Variants in RAD18 observed in about 807,000 individuals in gnomAD.
The protein encoded by RAD18 is E3 ubiquitin-protein ligase RAD18.
Under a neutral mutation model 60.4 loss-of-function variants are expected in RAD18, and 47 were observed. That is an observed-to-expected ratio of 0.78 (90% confidence interval 0.62 to 0.99). The LOEUF (loss-of-function observed/expected upper bound fraction) is 0.99. Among genes scored for constraint, RAD18 ranks in the 50% least tolerant of loss-of-function variants. The probability of loss-of-function intolerance (pLI) is 0.00; values close to 1 mark genes in which losing one functional copy is unlikely to be tolerated. For missense variants in RAD18, 640 were observed against 593.3 expected (o/e 1.08, Z -0.82); for synonymous variants, 225 against 195.5 (o/e 1.15, Z -1.26).
chr3:8,923,908 A>C (rs1940377147), intron 7 of RAD18, among the ~76,000 whole-genome samples: 1 of 152,214 alleles, frequency 6.6e-6, no homozygotes, highest in Non-Finnish European at 1.5e-5. Context: ...AGAGCTCCTG[A>C]AGGAAGCACT....
chr3:8,956,931 A>G (rs894193337), intron 2 of RAD18, among the ~76,000 whole-genome samples: 2 of 152,192 alleles, frequency 1.3e-5, no homozygotes, highest in Non-Finnish European at 2.9e-5. Context: ...CACCACTTTC[A>G]ACACTGTAGT....
intron 2 of RAD18, among the ~76,000 whole-genome samples, chr3:8,952,927 C>G (rs1171202138): frequency 5.9e-5 from 9 of 152,112 alleles, no homozygotes; most frequent in Non-Finnish European, 1.0e-4. Flanking sequence ...ATAAACCCAT[C>G]ATAAATTGAA....
chr3:8,948,420 C>G (rs1940871852), intron 3 of RAD18, 89 bp downstream of exon 3: 3 of 1,123,616 alleles, frequency 2.7e-6, no homozygotes, highest in South Asian at 2.8e-5. Context: ...CTACACATCA[C>G]CCTATATATA....
intron 2 of RAD18, among the ~76,000 whole-genome samples, chr3:8,957,230 G>C (rs961661964): frequency 6.6e-6 from 1 of 152,194 alleles, no homozygotes; most frequent in Non-Finnish European, 1.5e-5. Flanking sequence ...ACTCGGCATT[G>C]TTAAGATGTC....
At chr3:8,887,801 T>C (rs1353136777) in intron 12 of RAD18, among the ~76,000 whole-genome samples, 1 of 152,200 alleles carries the variant, frequency 6.6e-6, no homozygotes, top group African/African-American at 2.4e-5. Context: ...GACATCATAA[T>C]ATATAGCCTT....
intron 12 of RAD18, among the ~76,000 whole-genome samples, chr3:8,885,474 C>T (rs1218074110): frequency 6.6e-6 from 1 of 152,138 alleles, no homozygotes; most frequent in Non-Finnish European, 1.5e-5. Flanking sequence ...CTTTTAAAGG[C>T]ACTATGAGAT....
chr3:8,950,361 T>C (rs932235606), intron 2 of RAD18, among the ~76,000 whole-genome samples: 1 of 152,038 alleles, frequency 6.6e-6, no homozygotes, highest in African/African-American at 2.4e-5. Context: ...AACAAAGCCC[T>C]CCCTCAGAAG....
chr3:8,948,176 A>G (rs1388076660), intron 3 of RAD18, among the ~76,000 whole-genome samples: 1 of 152,094 alleles, frequency 6.6e-6, no homozygotes, highest in Non-Finnish European at 1.5e-5. Context: ...ACAAATACTT[A>G]GACAGTTCTT....
At chr3:8,959,249 G>A (rs556796993) in intron 1 of RAD18, among the ~76,000 whole-genome samples, 2 of 152,338 alleles carry the variant, frequency 1.3e-5, no homozygotes, top group East Asian at 1.9e-4. Context: ...ATGGCACACC[G>A]ATTCTTGTGC....
In RAD18 at chr3:8,963,299, ACAC is replaced by A. The variant is rs745441983; in HGVS notation, c.51+33_51+35del. ...CAAAGGGAGGGACCTCCCCCCGCAG[ACAC>A]CCGGGAGCTCCCAAACTCCCCGAAG... On this transcript the variant is annotated intron_variant, in intron 1 of 12. Transcript: ENST00000264926. 6 of 1,581,228 alleles carry A rather than the reference ACAC, an allele frequency of 3.8e-6. No individual in the cohort carries two copies. In the East Asian group the frequency reaches 1.4e-4, roughly 37 times the overall value.
Position 8,945,468 on chromosome 3 carries a change from C to CTTTTTTTT in RAD18, c.266+1744_266+1751dup, listed in dbSNP as rs375744764. ...AGGCTAATGTGTGTGTTTCCATCTT[C>CTTTTTTTT]TTTTTTTTTTTTTTTTTTTTTTGAG... On this transcript the variant is annotated intron_variant, in intron 4 of 12. Coordinates refer to ENST00000264926, the MANE Select transcript of RAD18 (RefSeq NM_020165.4). Among the ~76,000 whole-genome samples the CTTTTTTTT allele has an allele frequency of 1.1e-3, 102 of 96,396 alleles. 2 individuals are homozygous for CTTTTTTTT. Among genetic ancestry groups the CTTTTTTTT allele is most frequent in the South Asian group, 2.6e-3 (6 of 2,340 alleles). 63.2% of individuals were successfully genotyped at this position (96,396 alleles called of 152,430 possible).
At chr3:8,928,045 AACTT>A (rs1377185967) in intron 7 of RAD18, among the ~76,000 whole-genome samples, 1 of 135,488 alleles carries the variant, frequency 7.4e-6, no homozygotes. Context: ...TGTACCCTAA[AACTT>A]AAAAAAAAAA....
intron 9 of RAD18, among the ~76,000 whole-genome samples, chr3:8,905,843 T>C (rs1394087955): frequency 6.6e-6 from 1 of 152,222 alleles, no homozygotes; most frequent in Non-Finnish European, 1.5e-5. Context: ...ATGTGGCCCC[T>C]CTTAGTTGGC....
At chr3:8,901,888 T>C (rs1939919325) in intron 10 of RAD18, among the ~76,000 whole-genome samples, 1 of 152,340 alleles carries the variant, frequency 6.6e-6, no homozygotes, top group Non-Finnish European at 1.5e-5. Context: ...TCTTTTTTGT[T>C]CACTGGTCCA....
At chr3:8,908,720 A>G (rs1200422934) in intron 9 of RAD18, among the ~76,000 whole-genome samples, 1 of 152,232 alleles carries the variant, frequency 6.6e-6, no homozygotes, top group Non-Finnish European at 1.5e-5. Flanking sequence ...ATTAATTAGA[A>G]ATAAGTAATT....
chr3:8,960,240 A>C (rs147650401), intron 1 of RAD18, among the ~76,000 whole-genome samples: 2,465 of 152,282 alleles, frequency 0.016, 27 homozygotes, highest in Middle Eastern at 0.027. Flanking sequence ...CCAGGAGTTC[A>C]AGGCTGCAGT....
At chr3:8,928,881 T>C (rs954612751) in intron 7 of RAD18, among the ~76,000 whole-genome samples, 1 of 152,184 alleles carries the variant, frequency 6.6e-6, no homozygotes, top group African/African-American at 2.4e-5. Context: ...GTGAAAGGTC[T>C]GAAATGATAC....
rs45521033 is a variant in RAD18, at chr3:8,881,405, G to A, written c.1440C>T (p.Ala480=). Residue 480 remains alanine, a synonymous_variant, in exon 13 of 13, where the codon GCC becomes GCT. Transcript: ENST00000264926. ...TTGGTTCAATCTCAGCACTTTCAGC[G>A]GCTCTTGTGCGGCGATTCTGTCTTG... is the stretch of plus-strand genomic sequence containing the variant. ...ISPRQNRRTR[A]AESAEIEPRN... is the part of the protein sequence containing the mutation. 8.2e-3 allele frequency: 13,239 copies of A among 1,613,278 alleles called. 72 individuals carry two copies. The highest frequency in any genetic ancestry group is 9.3e-3 in the Non-Finnish European group (10,961 of 1,179,274).
chr3:8,897,401 A>G (rs1939805566), intron 11 of RAD18, among the ~76,000 whole-genome samples: 1 of 152,208 alleles, frequency 6.6e-6, no homozygotes, highest in Non-Finnish European at 1.5e-5. Flanking sequence ...TTTGATTACA[A>G]GCGTCCTTGA....
Sources: allele counts gnomAD v4.1 joint callset (sites outside exome capture counted in the v4.1 genomes callset), GRCh38; gene constraint gnomAD v4.1.1; transcripts MANE v1.5; gene names NCBI Gene and HGNC (gene_info 2026-07-23, HGNC 2026-07-21).